Variants in MAGI2 observed in about 807,000 individuals in gnomAD.
The protein encoded by MAGI2 is membrane associated guanylate kinase, WW and PDZ domain containing 2, also known as membrane-associated guanylate kinase, WW and PDZ domain-containing protein 2.
MAGI2 carries 35 observed loss-of-function variants against 133.3 expected under a neutral mutation model. The observed-to-expected ratio is 0.26, with a 90% CI of 0.20 to 0.35. MAGI2 has a LOEUF of 0.35. Among genes scored for constraint, MAGI2 ranks in the 10% least tolerant of loss-of-function variants. The pLI, the probability that MAGI2 is intolerant of heterozygous loss-of-function variation, is 1.00. For synonymous variants in MAGI2, 729 were observed against 710.6 expected (o/e 1.03, Z -0.41); for missense variants, 1,636 against 1,863.4 (o/e 0.88, Z 2.25).
At chr7:78,193,153 A>G (rs1828399003) in intron 12 of MAGI2, among the ~76,000 whole-genome samples, 1 of 152,248 alleles carries the variant, frequency 6.6e-6, no homozygotes, top group African/African-American at 2.4e-5. Context: ...AGACAACCAT[A>G]AAGAGAAAAC....
In MAGI2 at chr7:79,207,029, T is replaced by C. The variant is rs1829115512; in HGVS notation, c.302-199823A>G. Among the ~76,000 whole-genome samples, 4 of 151,928 alleles carry C rather than the reference T, an allele frequency of 2.6e-5. No individual in the cohort carries two copies. The South Asian group carries it at 8.3e-4, about 31-fold the overall frequency. Reference sequence around the variant, plus strand: ...ATTTAACAACCTTTGACAATGAAAATTCTCAACAAATTAGGTACAGAAGAT... The same window carrying C: ...ATTTAACAACCTTTGACAATGAAAACTCTCAACAAATTAGGTACAGAAGAT... On this transcript the variant is annotated intron_variant, in intron 1 of 21. Coordinates refer to ENST00000354212, the MANE Select transcript of MAGI2 (RefSeq NM_012301.4).
chr7:78,545,369 T>G (rs1382448232), intron 3 of MAGI2, among the ~76,000 whole-genome samples: 1 of 151,858 alleles, frequency 6.6e-6, no homozygotes, highest in African/African-American at 2.4e-5. Context: ...CGCACCACCA[T>G]GCCCGGCTAA....
chr7:78,358,700 G>A (rs1792438864), intron 7 of MAGI2: 2 of 220,868 alleles, frequency 9.1e-6, no homozygotes, highest in Non-Finnish European at 1.8e-5. Context: ...TCACGAGGTT[G>A]GCTGGAAATA....
intron 2 of MAGI2, among the ~76,000 whole-genome samples, chr7:78,954,525 A>C (rs2115609209): frequency 6.6e-6 from 1 of 152,276 alleles, no homozygotes; most frequent in East Asian, 1.9e-4. Context: ...TCTTCTGATA[A>C]AATATGTCCA....
intron 20 of MAGI2, among the ~76,000 whole-genome samples, chr7:78,091,752 G>A (rs1197581506): frequency 1.3e-5 from 2 of 152,170 alleles, no homozygotes; most frequent in South Asian, 2.1e-4. Flanking sequence ...GGGGAGAAAG[G>A]CACAATAGTA....
chr7:78,857,192 C>G (rs1289902402), intron 2 of MAGI2, among the ~76,000 whole-genome samples: 1 of 152,194 alleles, frequency 6.6e-6, no homozygotes, highest in East Asian at 1.9e-4. Flanking sequence ...ATCATGTCAC[C>G]TGCAAACAGG....
At chr7:79,262,732 A>C (rs1563057851) in intron 1 of MAGI2, among the ~76,000 whole-genome samples, 1 of 152,216 alleles carries the variant, frequency 6.6e-6, no homozygotes, top group African/African-American at 2.4e-5. Context: ...ACTTACACAC[A>C]ACAAAGTTTT....
chr7:78,446,356 G>T (rs1238280870), intron 6 of MAGI2, among the ~76,000 whole-genome samples: 2 of 151,948 alleles, frequency 1.3e-5, no homozygotes, highest in Admixed American at 1.3e-4. Context: ...TATGATGTGG[G>T]ACTTTCAATG....
chr7:79,350,932 A>C (rs1283990700), intron 1 of MAGI2, among the ~76,000 whole-genome samples: 3 of 152,148 alleles, frequency 2.0e-5, no homozygotes, highest in Non-Finnish European at 4.4e-5. Flanking sequence ...TGGACAAACC[A>C]AGTTTAAACA....
chr7:78,216,314 C>T (rs963788846), intron 10 of MAGI2, among the ~76,000 whole-genome samples: 2 of 152,226 alleles, frequency 1.3e-5, no homozygotes, highest in Non-Finnish European at 2.9e-5. Context: ...CTACTGCAGC[C>T]AACCTACCTG....
At chr7:78,481,312 G>A (rs1360199935) in intron 6 of MAGI2, among the ~76,000 whole-genome samples, 2 of 151,902 alleles carry the variant, frequency 1.3e-5, no homozygotes, top group Admixed American at 6.6e-5. Context: ...CAGGTGAGAG[G>A]GAGAGTGTGT....
At chr7:78,955,656 C>T (rs1802241618) in intron 2 of MAGI2, among the ~76,000 whole-genome samples, 3 of 149,536 alleles carry the variant, frequency 2.0e-5, no homozygotes, top group South Asian at 4.3e-4. Flanking sequence ...TCTCTCTCTC[C>T]CTTCCTTCTT....
chr7:78,859,065 C>CT (rs530233757), intron 2 of MAGI2, among the ~76,000 whole-genome samples: 65 of 147,858 alleles, frequency 4.4e-4, no homozygotes, highest in African/African-American at 8.4e-4. Context: ...GCAACCCCTG[C>CT]TTTTTTTTTT....
intron 6 of MAGI2, among the ~76,000 whole-genome samples, chr7:78,389,422 A>T (rs548662091): frequency 5.3e-5 from 8 of 152,314 alleles, no homozygotes; most frequent in African/African-American, 1.9e-4. Context: ...AGAAACTTGA[A>T]GATAGGGAGC....
intron 3 of MAGI2, among the ~76,000 whole-genome samples, chr7:78,580,066 T>C (rs879501789): frequency 3.9e-5 from 6 of 152,166 alleles, no homozygotes; most frequent in East Asian, 1.9e-4. Flanking sequence ...ATGAAGCTTT[T>C]TGAAGTAACT....
chr7:79,171,743 AATATAT>A (rs34570751), intron 1 of MAGI2, among the ~76,000 whole-genome samples: 18 of 29,576 alleles, frequency 6.1e-4, no homozygotes, highest in African/African-American at 1.1e-3. Flanking sequence ...AATAGCCAAA[AATATAT>A]ATATATATAT....
chr7:78,903,449 C>G (rs1797774309), intron 2 of MAGI2, among the ~76,000 whole-genome samples: 1 of 152,010 alleles, frequency 6.6e-6, no homozygotes, highest in African/African-American at 2.4e-5. Flanking sequence ...CCCGCCTCGG[C>G]CTCCCAAAGT....
At chr7:78,643,879 C>T (rs1188510919) in intron 2 of MAGI2, among the ~76,000 whole-genome samples, 1 of 152,048 alleles carries the variant, frequency 6.6e-6, no homozygotes, top group Non-Finnish European at 1.5e-5. Context: ...CACCCCCACA[C>T]ACACTATTGA....
intron 6 of MAGI2, among the ~76,000 whole-genome samples, chr7:78,448,835 ACT>A (rs1342218845): frequency 6.6e-6 from 1 of 151,978 alleles, no homozygotes; most frequent in Non-Finnish European, 1.5e-5. Flanking sequence ...TATCATTAAA[ACT>A]CAACATGAAG....
Sources: gnomAD v4.1 joint callset for allele counts (sites outside exome capture counted in the v4.1 genomes callset) on GRCh38, gnomAD v4.1.1 for gene constraint, MANE v1.5 for transcripts, NCBI Gene and HGNC (gene_info 2026-07-23, HGNC 2026-07-21) for gene names.